RBFOX1: variants seen among roughly 807,000 people sequenced by gnomAD.
The protein encoded by RBFOX1 is RNA binding fox-1 homolog 1.
A neutral mutation model predicts 57.7 loss-of-function variants in RBFOX1; 8 were observed. That is an observed-to-expected ratio of 0.14 (90% CI 0.08 to 0.25). RBFOX1 has a LOEUF of 0.25. RBFOX1 is among the 10% of genes least tolerant of loss of function. RBFOX1 has a pLI of 1.00. For missense variants in RBFOX1, 611 were observed against 548.5 expected, an observed-to-expected ratio of 1.11 and a Z score of -1.14; for synonymous variants, 326 against 222.4, an observed-to-expected ratio of 1.47 and a Z score of -4.15.
chr16:6,649,638 G>T (rs1285769422), intron 2 of RBFOX1, among the ~76,000 whole-genome samples: 1 of 152,078 alleles, frequency 6.6e-6, no homozygotes, highest in Non-Finnish European at 1.5e-5. Flanking sequence ...TTCGTGACTT[G>T]TTTCACTTAG....
intron 10 of RBFOX1, among the ~76,000 whole-genome samples, chr16:7,613,910 G>A (rs2057994839): frequency 6.6e-6 from 1 of 152,174 alleles, no homozygotes; most frequent in African/African-American, 2.4e-5. Flanking sequence ...ATTTTATTCA[G>A]ATTGGCATTG....
chr16:5,604,857 G>C (rs115647127), downstream of RBFOX1, among the ~76,000 whole-genome samples: 307 of 152,236 alleles, frequency 2.0e-3, no homozygotes, highest in African/African-American at 7.1e-3. Flanking sequence ...TAGTCATCTG[G>C]ACGTCTTAAC....
chr16:5,254,268 C>T (rs755977034), intron 1 of RBFOX1, among the ~76,000 whole-genome samples: 3 of 152,172 alleles, frequency 2.0e-5, no homozygotes, highest in Non-Finnish European at 4.4e-5. Flanking sequence ...AACCACTTCA[C>T]CATGGTTCTT....
intron 4 of RBFOX1, among the ~76,000 whole-genome samples, chr16:7,077,985 G>T (rs975524469): frequency 1.3e-5 from 2 of 152,170 alleles, no homozygotes; most frequent in African/African-American, 4.8e-5. Context: ...TGTCTCCTGA[G>T]TTACTCTGGG....
intron 4 of RBFOX1, among the ~76,000 whole-genome samples, chr16:7,170,630 C>A (rs1313497355): frequency 6.6e-6 from 1 of 152,132 alleles, no homozygotes; most frequent in East Asian, 1.9e-4. Flanking sequence ...CTTAGAGGTA[C>A]CCACTTTGGG....
intron 2 of RBFOX1, among the ~76,000 whole-genome samples, chr16:6,599,263 A>C (rs80320038): frequency 0.025 from 3,859 of 152,262 alleles, 178 homozygotes; most frequent in African/African-American, 0.087. Flanking sequence ...GGGGCTTTGC[A>C]TAACTTCCAA....
intron 3 of RBFOX1, among the ~76,000 whole-genome samples, chr16:5,634,029 T>C (rs2048604779): frequency 6.6e-6 from 1 of 152,208 alleles, no homozygotes; most frequent in Non-Finnish European, 1.5e-5. Context: ...TTTCCTCTAC[T>C]GCCATCTAGA....
At chr16:7,343,909 C>T (rs1167878657) in intron 4 of RBFOX1, among the ~76,000 whole-genome samples, 1 of 152,122 alleles carries the variant, frequency 6.6e-6, no homozygotes, top group Non-Finnish European at 1.5e-5. Flanking sequence ...GCACCTGGCA[C>T]ATAGAAAGTC....
chr16:7,116,274 C>G (rs948440828), intron 4 of RBFOX1, among the ~76,000 whole-genome samples: 1 of 152,132 alleles, frequency 6.6e-6, no homozygotes, highest in African/African-American at 2.4e-5. Context: ...TCCTGGCTAT[C>G]CGAGCTGCTC....
chr16:6,453,360 G>T (rs1404219467), intron 2 of RBFOX1, among the ~76,000 whole-genome samples: 2 of 152,138 alleles, frequency 1.3e-5, no homozygotes, highest in Non-Finnish European at 2.9e-5. Flanking sequence ...AAAACATGCG[G>T]TGTTTGGTTT....
chr16:7,638,968 T>C (rs1019247195), intron 11 of RBFOX1, among the ~76,000 whole-genome samples: 7 of 152,126 alleles, frequency 4.6e-5, no homozygotes, highest in Non-Finnish European at 1.0e-4. Context: ...TTGTACCATT[T>C]TATCACATTT....
In RBFOX1 at chr16:5,426,595, T is replaced by G. The variant is rs2067567475; in HGVS notation, c.220-40621T>G. ...TTACTGATTTCTTTGCTGGAGGAAA[T>G]GGCTGTTACCTGCTCAGCACTTAAT... On this transcript the variant is annotated intron_variant, in intron 1 of 2. Transcript: ENST00000585867. Among the ~76,000 whole-genome samples, 3 of 152,304 alleles carry G rather than the reference T, an allele frequency of 2.0e-5. 1 individual carries two copies. Among genetic ancestry groups the G allele is most frequent in the South Asian group, 4.1e-4 (2 of 4,820 alleles).
chr16:5,425,234 T>C (rs2067521427), intron 1 of RBFOX1, among the ~76,000 whole-genome samples: 1 of 151,746 alleles, frequency 6.6e-6, no homozygotes, highest in South Asian at 2.1e-4. Context: ...GCCTCCTGAG[T>C]AGCTGGGATT....
intron 1 of RBFOX1, among the ~76,000 whole-genome samples, chr16:5,405,919 C>T (rs1283449931): frequency 6.6e-6 from 1 of 152,062 alleles, no homozygotes; most frequent in East Asian, 1.9e-4. Flanking sequence ...GGACAGGAGT[C>T]AGTAGGGAGA....
At chr16:7,016,144 C>G (rs1208388174) in intron 3 of RBFOX1, among the ~76,000 whole-genome samples, 5 of 152,132 alleles carry the variant, frequency 3.3e-5, no homozygotes, top group Admixed American at 2.6e-4. Flanking sequence ...AAGAGTGAGA[C>G]ACCACCAGAC....
intron 1 of RBFOX1, among the ~76,000 whole-genome samples, chr16:5,458,056 T>G (rs941980559): frequency 3.3e-5 from 5 of 152,216 alleles, no homozygotes; most frequent in African/African-American, 1.2e-4. Context: ...AAAAATGCTT[T>G]AAGAACAGAA....
intron 4 of RBFOX1, among the ~76,000 whole-genome samples, chr16:7,387,525 T>C (rs1189476955): frequency 6.6e-6 from 1 of 152,220 alleles, no homozygotes; most frequent in African/African-American, 2.4e-5. Flanking sequence ...AAATTGCACA[T>C]TTGCTGGCAA....
At chr16:5,854,424 C>T (rs12449217) in intron 3 of RBFOX1, among the ~76,000 whole-genome samples, 48,726 of 152,088 alleles carry the variant, frequency 0.32, 8,777 homozygotes, top group East Asian at 0.62. Context: ...TTAGTGAAAT[C>T]ATGTAGTATT....
At chr16:5,918,982 C>T (rs1243756968) in intron 4 of RBFOX1, among the ~76,000 whole-genome samples, 2 of 152,136 alleles carry the variant, frequency 1.3e-5, no homozygotes. Context: ...CACAAGGAGG[C>T]GCAGTGGAGC....
Sources: gnomAD v4.1 joint callset for allele counts (sites outside exome capture counted in the v4.1 genomes callset) on GRCh38, gnomAD v4.1.1 for gene constraint, MANE v1.5 for transcripts, NCBI Gene and HGNC (gene_info 2026-07-23, HGNC 2026-07-21) for gene names.